Variants in DHRS11 observed in about 807,000 individuals in gnomAD.
DHRS11 encodes dehydrogenase/reductase 11.
DHRS11 carries 18 observed loss-of-function variants against 30.7 expected under a neutral mutation model. The observed-to-expected ratio is 0.59, with a 90% confidence interval of 0.41 to 0.87. The LOEUF (loss-of-function observed/expected upper bound fraction) is 0.87, where lower values mean the gene tolerates loss of function less well. Among genes scored for constraint, DHRS11 ranks in the 40% least tolerant of loss-of-function variants. The pLI is 0.00. For missense variants in DHRS11, 300 were observed against 349.0 expected (o/e 0.86, Z 1.12); for synonymous variants, 123 against 139.6 (o/e 0.88, Z 0.84).
Position 36,592,286 on chromosome 17 carries a change from CCCTT to C in DHRS11, c.147+133_147+136del. On this transcript the variant is annotated intron_variant, in intron 1 of 6. Transcript: ENST00000618403. This position sits in a 1 kb window ranked among gnomAD's most constrained non-coding sequence, Gnocchi z 4.4. ...CTCGGATCCCTTAAGGCAGGCTTCT[CCCTT>C]CCCCTTAAGTCTCATCTTTGAAGGA... 8.9e-7 allele frequency: 1 copy of C among 1,124,180 alleles called. No individual in the cohort carries two copies. 69.6% of individuals were successfully genotyped at this position (1,124,180 alleles called of 1,614,324 possible).
chr17:36,595,156 C>T lies in DHRS11; in HGVS notation c.333C>T (p.Thr111=). The T allele has an allele frequency of 6.2e-7, 1 of 1,613,782 alleles. No homozygotes were observed. The highest frequency in any genetic ancestry group is 8.5e-7 in the Non-Finnish European group (1 of 1,180,034). Residue 111 remains threonine, a synonymous_variant, in exon 2 of 7, where the codon ACC becomes ACT. Coordinates refer to ENST00000618403, the MANE Select transcript of DHRS11 (RefSeq NM_024308.4). ...ARPDTLLSGS[T]SGWKDMFNVN... ...CTGACACCCTGCTCTCAGGCAGCAC[C>T]AGTGGTTGGAAGGACATGTTCAATG...
intron 4 of DHRS11, 101 bp downstream of exon 4, chr17:36,599,151 G>A: frequency 6.8e-7 from 1 of 1,477,372 alleles, no homozygotes; most frequent in Non-Finnish European, 9.0e-7. Context: ...GCCGCTCAGA[G>A]CTCCTGGGAG....
rs1451342287 is a variant in DHRS11 at position 36,592,710 on chromosome 17, C to A, written c.147+554C>A. 6.6e-6 allele frequency among the ~76,000 whole-genome samples: 1 copy of A among 152,166 alleles called. No individual in the cohort carries two copies. Among genetic ancestry groups the A allele is most frequent in the Non-Finnish European group, 1.5e-5 (1 of 68,018 alleles). On this transcript the variant is annotated intron_variant, in intron 1 of 6. Coordinates refer to ENST00000618403, the MANE Select transcript of DHRS11 (RefSeq NM_024308.4). This position sits in a 1 kb window ranked among gnomAD's most constrained non-coding sequence, Gnocchi z 4.4. ...GGCGAACAGAGTGGGTGAAATCGGG[C>A]GGAAACCTTGAGAGGATAAAGCAAC... is the stretch of plus-strand genomic sequence containing the variant.
rs374531999 is a variant in DHRS11, at chr17:36,600,048, C to T, written c.741+11C>T. 5.6e-6 allele frequency: 9 copies of T among 1,613,704 alleles called. No homozygotes were observed. The African/African-American group carries it at 8.0e-5, about 14-fold the overall frequency. On this transcript the variant is annotated intron_variant, in intron 6 of 6. Transcript: ENST00000618403. ...CCCGCACACATCCAGGTGAGTCTGG[C>T]CCTGACTGTCTACTCACTGGAGGAA...
At chr17:36,597,853 G>C (rs1647203210) in intron 2 of DHRS11, 8 of 503,488 alleles carry the variant, frequency 1.6e-5, no homozygotes, top group Non-Finnish European at 2.1e-5. Flanking sequence ...ACTGTTCATA[G>C]AGGAGATGGC....
At position 36,599,489 on chromosome 17, in the gene DHRS11, C is replaced by A. The variant is rs185676149; in HGVS notation, c.583-182C>A. The A allele has an allele frequency of 2.9e-4, 180 of 621,276 alleles. No individual in the cohort carries two copies. The East Asian group carries it at 4.3e-3, about 15-fold the overall frequency. The allele number at this position is 621,276 out of a possible 1,614,324, so 38.5% of individuals were successfully genotyped here. A position where few individuals can be genotyped will look rare whatever the true frequency, so the allele number is the denominator to read the frequency against. ...GTTTACCTGACATATAGGAAAGGCT[C>A]TGTAGATGGTAGGTATCATTGTGGT... is the stretch of plus-strand genomic sequence containing the variant. On this transcript the variant is annotated intron_variant, in intron 4 of 6. Coordinates refer to ENST00000618403, the MANE Select transcript of DHRS11 (RefSeq NM_024308.4).
chr17:36,599,345 T>C, intron 4 of DHRS11: 1 of 553,406 alleles, frequency 1.8e-6, no homozygotes, highest in South Asian at 2.5e-5. Context: ...ACCGGGACTC[T>C]GGGCTCTTCT....
intron 1 of DHRS11, among the ~76,000 whole-genome samples, chr17:36,594,155 G>A (rs1484092106): frequency 6.6e-6 from 1 of 152,148 alleles, no homozygotes; most frequent in Non-Finnish European, 1.5e-5. Flanking sequence ...AGCTGGGCTT[G>A]GTTGAAAGGC....
At chr17:36,598,076 C>T in intron 2 of DHRS11, 87 bp from the exon 3 acceptor site, 7 of 1,362,252 alleles carry the variant, frequency 5.1e-6, no homozygotes, top group Non-Finnish European at 7.3e-6. Flanking sequence ...TGCCACACTG[C>T]CCCCTTCCCC....
At chr17:36,595,248 G>T in intron 2 of DHRS11, 68 bp downstream of exon 2, 2 of 1,570,904 alleles carry the variant, frequency 1.3e-6, no homozygotes, top group South Asian at 1.1e-5. Flanking sequence ...AGGGGTTTGT[G>T]AACCAGAGTG....
At chr17:36,599,596 C>T (rs1315818802) in intron 4 of DHRS11, 75 bp from the exon 5 acceptor site, 2 of 1,490,268 alleles carry the variant, frequency 1.3e-6, no homozygotes, top group Admixed American at 3.4e-5. Context: ...GTTCTGTGGC[C>T]TCCATCCTCT....
In DHRS11 at chr17:36,598,661, G is replaced by A. The variant is rs995960540; in HGVS notation, c.453-260G>A. 3 of 534,686 alleles carry A rather than the reference G, an allele frequency of 5.6e-6. No homozygotes were observed. The East Asian group carries it at 9.6e-5, about 17-fold the overall frequency. 33.1% of individuals were successfully genotyped at this position (534,686 alleles called of 1,614,324 possible). The stretch of plus-strand genomic sequence containing the variant: ...TCAGTGAACATACAGATTAGATGGA[G>A]AGAATTCTGACATTCTGCACCACCA... On this transcript the variant is annotated intron_variant, in intron 3 of 6. Transcript: ENST00000618403.
chr17:36,597,970 G>A (rs1370723497), intron 2 of DHRS11, 193 bp from the exon 3 acceptor site: 1 of 624,216 alleles, frequency 1.6e-6, no homozygotes, highest in Non-Finnish European at 2.8e-6. Context: ...TATCAACTGG[G>A]GGTTGCGGCT....
Position 36,595,007 on chromosome 17 carries a change from G to A in DHRS11, c.184G>A (p.Gly62Arg), listed in dbSNP as rs757718351. ...AAECKSAGYP[G>R]TLIPYRCDLS... is the part of the protein sequence containing the mutation. ...TGAATGTAAGAGTGCAGGCTACCCC[G>A]GGACTTTGATCCCCTACAGATGTGA... Residue 62 changes from glycine to arginine, a missense_variant, in exon 2 of 7, where the codon GGG becomes AGG. By Grantham distance (125) the Gly-to-Arg change is moderately radical. Coordinates refer to ENST00000618403, the MANE Select transcript of DHRS11 (RefSeq NM_024308.4). 2.6e-5 allele frequency: 42 copies of A among 1,614,064 alleles called. No homozygotes were observed. Among genetic ancestry groups the A allele is most frequent in the African/African-American group, 2.1e-4 (16 of 74,922 alleles).
At position 36,600,571 on chromosome 17, in the gene DHRS11, A is replaced by T; in HGVS notation, c.*368A>T. On this transcript the variant is annotated 3_prime_UTR_variant, in exon 7 of 7. Transcript: ENST00000618403. ...GGCTCAGGGCTGGGGTGGCAGAGGG[A>T]GGCCTTCACCTTATATCTGTGTTGT... 2.4e-6 allele frequency: 1 copy of T among 415,518 alleles called. No individual in the cohort carries two copies. The highest frequency in any genetic ancestry group is 2.4e-5 in the South Asian group (1 of 41,380). 25.7% of individuals were successfully genotyped at this position (415,518 alleles called of 1,614,324 possible).
rs1270670771 is a variant in DHRS11, at chr17:36,594,997, A to G, written c.174A>G (p.Ala58=). The G allele has an allele frequency of 5.0e-6, 8 of 1,614,074 alleles. No homozygotes were observed. The highest frequency in any genetic ancestry group is 1.3e-5 in the African/African-American group (1 of 74,932). Residue 58 remains alanine, a synonymous_variant, in exon 2 of 7, where the codon GCA becomes GCG. Coordinates refer to ENST00000618403, the MANE Select transcript of DHRS11 (RefSeq NM_024308.4). ...AGCTGGCTGCTGAATGTAAGAGTGC[A>G]GGCTACCCCGGGACTTTGATCCCCT... ...IEELAAECKS[A]GYPGTLIPYR... is the part of the protein sequence containing the mutation.
chr17:36,595,844 C>T (rs1184605612), intron 2 of DHRS11, among the ~76,000 whole-genome samples: 1 of 152,092 alleles, frequency 6.6e-6, no homozygotes, highest in East Asian at 1.9e-4. Context: ...TGCTTGGGAA[C>T]GTGATGTTAT....
At chr17:36,593,356 T>C (rs2074783943) in intron 1 of DHRS11, among the ~76,000 whole-genome samples, 1 of 151,536 alleles carries the variant, frequency 6.6e-6, no homozygotes, top group Admixed American at 6.6e-5. Context: ...TGAGGGGAGG[T>C]AGGGAGATCA....
At position 36,600,020 on chromosome 17, in the gene DHRS11, A is replaced by C; in HGVS notation, c.724A>C (p.Thr242Pro). The change falls in exon 6 of 7, where the codon ACC becomes CCC. Residue 242 changes from threonine to proline, a missense_variant. Thr to Pro is a conservative substitution (Grantham distance 38). Transcript: ENST00000618403. ...CGAGGCTGTTATCTACGTCCTCAGC[A>C]CCCCCGCACACATCCAGGTGAGTCT... ...VAEAVIYVLS[T>P]PAHIQIGDIQ... 1 of 1,613,454 alleles carries C rather than the reference A, an allele frequency of 6.2e-7. No individual in the cohort carries two copies. Among genetic ancestry groups the C allele is most frequent in the Non-Finnish European group, 8.5e-7 (1 of 1,179,818 alleles).
Sources: gnomAD v4.1 joint callset for allele counts (sites outside exome capture counted in the v4.1 genomes callset) on GRCh38, gnomAD v4.1.1 for gene constraint, Gnocchi (gnomAD v3.1) non-coding constraint, MANE v1.5 for transcripts, NCBI Gene and HGNC (gene_info 2026-07-23, HGNC 2026-07-21) for gene names.